The following FRMD4A variants were observed in gnomAD, a reference collection of about 807,000 sequenced individuals.
The protein encoded by FRMD4A is FERM domain-containing protein 4A.
In FRMD4A, 29 loss-of-function variants were observed where a neutral mutation model predicts 129.1. The ratio of observed to expected loss-of-function variants is 0.22; its 90% CI spans 0.17 to 0.31. FRMD4A has a LOEUF of 0.31. Ranked by LOEUF, FRMD4A falls within the 10% of genes least tolerant of loss-of-function variation. The pLI, the probability that FRMD4A is intolerant of heterozygous loss-of-function variation, is 1.00. For synonymous variants in FRMD4A, 634 were observed against 571.6 expected (o/e 1.11, Z -1.56); for missense variants, 1,272 against 1,375.8 (o/e 0.92, Z 1.19).
Position 14,242,619 on chromosome 10 carries a change from A to C in FRMD4A, c.45+87439T>G, listed in dbSNP as rs535299085. 2.0e-5 allele frequency among the ~76,000 whole-genome samples: 3 copies of C among 152,352 alleles called. No homozygotes were observed. The South Asian group carries it at 6.2e-4, about 32-fold the overall frequency. ...GCATGACCTCTGAACAAAATTACAA[A>C]GTAAAACAAGGATAAGGAGGCAATA... On this transcript the variant is annotated intron_variant, in intron 2 of 24. Coordinates refer to ENST00000357447, the MANE Select transcript of FRMD4A (RefSeq NM_018027.5).
chr10:14,192,106 T>G (rs932851199), intron 2 of FRMD4A, among the ~76,000 whole-genome samples: 5 of 152,274 alleles, frequency 3.3e-5, no homozygotes, highest in African/African-American at 1.2e-4. Context: ...TCCTTGGTGG[T>G]TTTTATCCCT....
In FRMD4A at chr10:13,884,238, A is replaced by C. The variant is rs954976784; in HGVS notation, c.46-25326T>G. Among the ~76,000 whole-genome samples the C allele has an allele frequency of 1.1e-3, 150 of 142,576 alleles. 3 individuals carry two copies. Among genetic ancestry groups the C allele is most frequent in the African/African-American group, 3.7e-3 (137 of 37,516 alleles). 93.5% of individuals were successfully genotyped at this position (142,576 alleles called of 152,430 possible). A position where few individuals can be genotyped will look rare whatever the true frequency, so the allele number is the denominator to read the frequency against. On this transcript the variant is annotated intron_variant, in intron 2 of 24. Transcript: ENST00000357447. ...CACACACACACACACACACACACAC[A>C]CACTCCCTAAAAGGCATCCTGTATA...
chr10:13,658,718 TA>T (rs1274682031), intron 21 of FRMD4A, among the ~76,000 whole-genome samples: 1 of 151,908 alleles, frequency 6.6e-6, no homozygotes, highest in Non-Finnish European at 1.5e-5. Context: ...CCGTCTCTAC[TA>T]AAAAATACAA....
Position 14,168,355 on chromosome 10 carries a change from T to C in FRMD4A, c.45+161703A>G, listed in dbSNP as rs980306403. Among the ~76,000 whole-genome samples, 3 of 152,240 alleles carry C rather than the reference T, an allele frequency of 2.0e-5. No homozygotes were observed. In the East Asian group the frequency reaches 5.8e-4, roughly 29 times the overall value. On this transcript the variant is annotated intron_variant, in intron 2 of 24. Transcript: ENST00000357447. ...GGAAGAAAGAAAAGTTGTTATTCTC[T>C]AATTGACAGGATACCTTTTGGATTT...
At chr10:13,864,528 C>T (rs2094339246) in intron 2 of FRMD4A, among the ~76,000 whole-genome samples, 1 of 151,146 alleles carries the variant, frequency 6.6e-6, no homozygotes, top group South Asian at 2.1e-4. Context: ...CTCTGTCTCC[C>T]TTTTCTTTCT....
intron 2 of FRMD4A, among the ~76,000 whole-genome samples, chr10:13,912,122 A>C (rs1452514414): frequency 6.6e-6 from 1 of 152,216 alleles, no homozygotes; most frequent in Non-Finnish European, 1.5e-5. Context: ...CCTAACAGTA[A>C]ATATTTTAAC....
chr10:14,268,501 C>A (rs560837868), intron 2 of FRMD4A, among the ~76,000 whole-genome samples: 8 of 152,188 alleles, frequency 5.3e-5, no homozygotes, highest in Non-Finnish European at 1.2e-4. Context: ...TTGTAAGACT[C>A]CCTCGATTTA....
intron 15 of FRMD4A, among the ~76,000 whole-genome samples, chr10:13,688,571 TA>T (rs1012699374): frequency 1.1e-4 from 17 of 151,644 alleles, no homozygotes; most frequent in Non-Finnish European, 2.2e-4. Flanking sequence ...AATTTACTAT[TA>T]AAAAAAAGAA....
At chr10:14,040,180 T>G (rs1833722867) in intron 2 of FRMD4A, among the ~76,000 whole-genome samples, 1 of 152,124 alleles carries the variant, frequency 6.6e-6, no homozygotes, top group South Asian at 2.1e-4. Flanking sequence ...TGAATAGGAA[T>G]GCAAGCCTCT....
intron 2 of FRMD4A, among the ~76,000 whole-genome samples, chr10:14,228,612 G>A (rs944421827): frequency 2.0e-5 from 3 of 152,222 alleles, no homozygotes; most frequent in Non-Finnish European, 2.9e-5. Flanking sequence ...GGGTTTGTAA[G>A]AGGCAGACTT....
intron 2 of FRMD4A, among the ~76,000 whole-genome samples, chr10:13,932,431 A>G (rs543706544): frequency 1.1e-4 from 16 of 152,290 alleles, no homozygotes; most frequent in African/African-American, 3.6e-4. Flanking sequence ...CCAGGTTTCC[A>G]GGTCTGTTTA....
chr10:13,988,593 CATAG>C (rs944394322), intron 2 of FRMD4A, among the ~76,000 whole-genome samples: 3 of 152,010 alleles, frequency 2.0e-5, no homozygotes, highest in African/African-American at 7.3e-5. Flanking sequence ...TACATATATA[CATAG>C]ATAGATGAAT....
chr10:13,911,261 A>G (rs1195626849), intron 2 of FRMD4A, among the ~76,000 whole-genome samples: 1 of 152,248 alleles, frequency 6.6e-6, no homozygotes, highest in Non-Finnish European at 1.5e-5. Context: ...ACATGATAAG[A>G]TCATTTCCAA....
At chr10:14,328,368 G>A (rs903759229) in intron 2 of FRMD4A, among the ~76,000 whole-genome samples, 2 of 77,254 alleles carry the variant, frequency 2.6e-5, no homozygotes, top group African/African-American at 7.4e-5. Context: ...GTGTGTGTGG[G>A]TGGGGGGGGG....
At chr10:14,240,109 C>G (rs890016090) in intron 2 of FRMD4A, among the ~76,000 whole-genome samples, 2 of 152,184 alleles carry the variant, frequency 1.3e-5, no homozygotes, top group Non-Finnish European at 2.9e-5. Context: ...GCTAGAGTCA[C>G]CATCCCAATA....
At chr10:13,892,152 G>C (rs2094707777) in intron 2 of FRMD4A, among the ~76,000 whole-genome samples, 1 of 151,800 alleles carries the variant, frequency 6.6e-6, no homozygotes, top group Non-Finnish European at 1.5e-5. Flanking sequence ...CGTCCAAAGC[G>C]TGCGGGATGC....
intron 2 of FRMD4A, among the ~76,000 whole-genome samples, chr10:13,876,989 A>G (rs888641185): frequency 3.3e-5 from 5 of 152,138 alleles, no homozygotes; most frequent in African/African-American, 4.8e-5. Context: ...TCATTCACAT[A>G]CCTATGTGAC....
intron 12 of FRMD4A, among the ~76,000 whole-genome samples, chr10:13,713,795 T>C (rs1056719019): frequency 2.5e-5 from 3 of 120,154 alleles, no homozygotes; most frequent in African/African-American, 9.8e-5. Flanking sequence ...TATACATATA[T>C]GTAATATATA....
chr10:14,112,171 ATGT>A (rs1181003461), intron 2 of FRMD4A, among the ~76,000 whole-genome samples: 1 of 152,182 alleles, frequency 6.6e-6, no homozygotes, highest in African/African-American at 2.4e-5. Context: ...ACACAGAAAG[ATGT>A]TGGTAAGGGG....
Sources: gnomAD v4.1 joint callset for allele counts (sites outside exome capture counted in the v4.1 genomes callset) on GRCh38, gnomAD v4.1.1 for gene constraint, MANE v1.5 for transcripts, NCBI Gene and HGNC (gene_info 2026-07-23, HGNC 2026-07-21) for gene names.